Variants in CFAP44 observed in about 807,000 individuals in gnomAD.
CFAP44 encodes the protein cilia- and flagella-associated protein 44.
A neutral mutation model predicts 216.2 loss-of-function variants in CFAP44; 134 were observed. The observed-to-expected ratio is 0.62, with a 90% CI of 0.54 to 0.72. The LOEUF (loss-of-function observed/expected upper bound fraction) is 0.72. CFAP44 is among the 30% of genes least tolerant of loss of function. The pLI, the probability that CFAP44 is intolerant of heterozygous loss-of-function variation, is 0.00. For synonymous variants in CFAP44, 700 were observed against 727.6 expected (o/e 0.96, Z 0.61); for missense variants, 2,035 against 2,182.1 (o/e 0.93, Z 1.34).
rs74335322 is a variant in CFAP44, at chr3:113,294,322, C to T, written c.5373+365G>A. The T allele has an allele frequency of 4.4e-3, 1,311 of 301,204 alleles. 29 individuals are homozygous for T. The East Asian group carries it at 0.044, about 10-fold the overall frequency. The allele number at this position is 301,204 out of a possible 1,614,324, so 18.7% of individuals were successfully genotyped here. On this transcript the variant is annotated intron_variant, in intron 34 of 34. Transcript: ENST00000393845. ...AGGGTAGATTTCACCACTCAAGATG[C>T]CCACTTCAAGTCAAATGAAATTTGC...
At chr3:113,351,058 G>A (rs1396088426) in intron 22 of CFAP44, among the ~76,000 whole-genome samples, 1 of 152,168 alleles carries the variant, frequency 6.6e-6, no homozygotes, top group African/African-American at 2.4e-5. Flanking sequence ...TGTAGAGGCA[G>A]GGTTAGGAAA....
At chr3:113,346,008 C>A (rs755860805) in intron 22 of CFAP44, among the ~76,000 whole-genome samples, 13 of 152,074 alleles carry the variant, frequency 8.5e-5, no homozygotes, top group Non-Finnish European at 1.5e-4. Context: ...TCCATGAGAC[C>A]CAGATTAACA....
In CFAP44 at chr3:113,366,294, C is replaced by A; in HGVS notation, c.2460G>T (p.Met820Ile). The change falls in exon 19 of 35, where the codon ATG becomes ATT. Residue 820 changes from methionine (M) to isoleucine (I), a missense_variant. This residue lies in a region of CFAP44 where 1,883 missense variants were observed against 2,023.7 expected (regional missense o/e 0.93). Transcript: ENST00000393845. ...QTITFNINKV[M>I]MFCGMKNGAI... ...CTCCATTTTTCATTCCACAAAACAT[C>A]ATAACTTTGTTAATGCTACGAAACA... The A allele has an allele frequency of 1.9e-6, 3 of 1,597,960 alleles. No homozygotes were observed. The South Asian group carries it at 3.4e-5, about 18-fold the overall frequency.
Position 113,290,318 on chromosome 3 carries a change from C to T in CFAP44, c.*1239G>A, listed in dbSNP as rs1034568049. The T allele has an allele frequency of 1.3e-5, 2 of 152,132 alleles. No individual in the cohort carries two copies. The highest frequency in any genetic ancestry group is 1.3e-4 in the Admixed American group (2 of 15,284). 9.4% of individuals were successfully genotyped at this position (152,132 alleles called of 1,614,324 possible). On this transcript the variant is annotated 3_prime_UTR_variant, in exon 35 of 35. Coordinates refer to ENST00000393845, the MANE Select transcript of CFAP44 (RefSeq NM_001164496.2). ...AAGGAATCTTAGGAAGACAATAGGC[C>T]AAGTGGCCACCTCTAAGAATATGCT...
rs1934132690 is a variant in CFAP44, at chr3:113,401,244, T to C, written c.1370A>G (p.Asn457Ser). Residue 457 changes from asparagine (N) to serine (S), a missense_variant, in exon 11 of 35, where the codon AAT becomes AGT. By Grantham distance (46) the Asn-to-Ser change is conservative. Transcript: ENST00000393845. Reference sequence around the variant, plus strand: ...TAAGAATAATAGGCAACTTACAATATTTGAAAAACTAAGGTCAAGCTTCCA... The same window carrying C: ...TAAGAATAATAGGCAACTTACAATACTTGAAAAACTAAGGTCAAGCTTCCA... ...AIWKLDLSFS[N>S]ITQDPECLFS... 5.0e-6 allele frequency: 8 copies of C among 1,586,322 alleles called. No homozygotes were observed. The highest frequency in any genetic ancestry group is 2.3e-5 in the East Asian group (1 of 43,814).
chr3:113,296,492 C>G (rs1252979086), intron 33 of CFAP44, among the ~76,000 whole-genome samples: 1 of 152,272 alleles, frequency 6.6e-6, no homozygotes, highest in East Asian at 1.9e-4. Flanking sequence ...TATTTATATG[C>G]ACCCTGGACC....
intron 22 of CFAP44, among the ~76,000 whole-genome samples, chr3:113,350,332 GAGAC>G (rs1290958176): frequency 6.6e-6 from 1 of 151,228 alleles, no homozygotes; most frequent in Non-Finnish European, 1.5e-5. Flanking sequence ...GAGAGAGAAA[GAGAC>G]AGAGAGACAA....
chr3:113,433,456 A>AAAAAAAAAAAAAAAAAAT (rs56736652), intron 2 of CFAP44, 109 bp downstream of exon 2: 1 of 329,642 alleles, frequency 3.0e-6, no homozygotes, highest in Non-Finnish European at 5.3e-6. Context: ...AAAAAAAAAA[A>AAAAAAAAAAAAAAAAAAT]GATCTATTTT....
Position 113,435,610 on chromosome 3 carries a change from T to C in CFAP44, c.-5-1941A>G, listed in dbSNP as rs1365274744. Among the ~76,000 whole-genome samples, 8 of 151,758 alleles carry C rather than the reference T, an allele frequency of 5.3e-5. 1 individual carries two copies. The highest frequency in any genetic ancestry group is 1.2e-4 in the Non-Finnish European group (8 of 67,942). ...CAGGCATAGTGAGGTATGCCTGTAGTCCCAGCTACTCAGGAGGCTGAGGCA... is the reference window on the plus strand; with the variant it reads ...CAGGCATAGTGAGGTATGCCTGTAGCCCCAGCTACTCAGGAGGCTGAGGCA... On this transcript the variant is annotated intron_variant, in intron 1 of 34. Transcript: ENST00000393845.
intron 22 of CFAP44, among the ~76,000 whole-genome samples, chr3:113,346,285 C>T (rs1452675835): frequency 6.6e-6 from 1 of 151,590 alleles, no homozygotes; most frequent in Non-Finnish European, 1.5e-5. Context: ...CTAATCAGCA[C>T]TCTGTAAAAA....
At chr3:113,400,954 A>G (rs1003643040) in intron 11 of CFAP44, among the ~76,000 whole-genome samples, 2 of 152,132 alleles carry the variant, frequency 1.3e-5, no homozygotes, top group African/African-American at 2.4e-5. Flanking sequence ...TGAGGATCAC[A>G]TGAGATAAAA....
chr3:113,395,877 A>G lies in CFAP44; in HGVS notation c.1780-17T>C, dbSNP rs200892539. On this transcript the variant is annotated splice_polypyrimidine_tract_variant and intron_variant, in intron 14 of 34. Coordinates refer to ENST00000393845, the MANE Select transcript of CFAP44 (RefSeq NM_001164496.2). ...ATCTTTACTCTAAGGAAAAAGAGAC[A>G]CACCGACGAAATATATATTACTATG... 1 of 1,575,992 alleles carries G rather than the reference A, an allele frequency of 6.3e-7. No individual in the cohort carries two copies. The highest frequency in any genetic ancestry group is 1.4e-5 in the African/African-American group (1 of 73,976).
intron 28 of CFAP44, among the ~76,000 whole-genome samples, chr3:113,308,652 G>A (rs1273950485): frequency 6.6e-6 from 1 of 151,584 alleles, no homozygotes. Flanking sequence ...GTGCAGTGAT[G>A]CAATCTTGGC....
intron 28 of CFAP44, among the ~76,000 whole-genome samples, chr3:113,321,527 C>G (rs1313658558): frequency 6.6e-6 from 1 of 152,172 alleles, no homozygotes; most frequent in East Asian, 1.9e-4. Context: ...CCAGAGCAAT[C>G]TGGCAACAAA....
Position 113,373,391 on chromosome 3 carries a change from C to A in CFAP44, c.2444+20G>T. The stretch of plus-strand genomic sequence containing the variant: ...CTAACAGGATATGGTTTTTTTAAAG[C>A]TTTTTGAAATACTGCTCACTTGAAA... On this transcript the variant is annotated intron_variant, in intron 18 of 34. Transcript: ENST00000393845. 1 of 1,514,324 alleles carries A rather than the reference C, an allele frequency of 6.6e-7. No homozygotes were observed. Among genetic ancestry groups the A allele is most frequent in the Non-Finnish European group, 8.9e-7 (1 of 1,126,686 alleles). The allele number at this position is 1,514,324 out of a possible 1,614,324, so 93.8% of individuals were successfully genotyped here.
At chr3:113,427,012 C>G in intron 3 of CFAP44, 175 bp downstream of exon 3, 1 of 628,138 alleles carries the variant, frequency 1.6e-6, no homozygotes, top group East Asian at 3.1e-5. Context: ...AAATAAAAAC[C>G]ACAAGTCTAG....
intron 28 of CFAP44, among the ~76,000 whole-genome samples, chr3:113,325,074 T>C (rs1338024060): frequency 3.3e-5 from 5 of 151,878 alleles, no homozygotes; most frequent in Admixed American, 3.3e-4. Context: ...GAGGCTGAAG[T>C]GGGCAGATCA....
At position 113,422,025 on chromosome 3, in the gene CFAP44, G is replaced by A. The variant is rs545428054; in HGVS notation, c.408-1846C>T. ...TTAAAAAAGAGGTATAAAAATCTAA[G>A]TTATATAAAACATCTTTTAAATGTA... On this transcript the variant is annotated intron_variant, in intron 4 of 34. Coordinates refer to ENST00000393845, the MANE Select transcript of CFAP44 (RefSeq NM_001164496.2). Among the ~76,000 whole-genome samples, 52 of 152,046 alleles carry A rather than the reference G, an allele frequency of 3.4e-4. No homozygotes were observed. In the East Asian group the frequency reaches 7.7e-3, roughly 23 times the overall value.
chr3:113,288,352 G>A lies in CFAP44; in HGVS notation c.*3205C>T, dbSNP rs995525687. On this transcript the variant is annotated 3_prime_UTR_variant, in exon 35 of 35. Transcript: ENST00000393845. Reference sequence around the variant, plus strand: ...AGAACTTCATGTGGAAGTGCAGCATGGTTTTCAGGAAAGCAGTATTTTAAA... The same window carrying A: ...AGAACTTCATGTGGAAGTGCAGCATAGTTTTCAGGAAAGCAGTATTTTAAA... 6.6e-6 allele frequency: 1 copy of A among 152,150 alleles called. No individual in the cohort carries two copies. The highest frequency in any genetic ancestry group is 2.4e-5 in the African/African-American group (1 of 41,394). 9.4% of individuals were successfully genotyped at this position (152,150 alleles called of 1,614,324 possible).
Sources: gnomAD v4.1 joint callset for allele counts (sites outside exome capture counted in the v4.1 genomes callset) on GRCh38, gnomAD v4.1.1 for gene constraint, gnomAD v4.1.1 regional missense constraint, MANE v1.5 for transcripts, NCBI Gene and HGNC (gene_info 2026-07-23, HGNC 2026-07-21) for gene names.